CROCC: variants seen among roughly 807,000 people sequenced by gnomAD.
CROCC encodes ciliary rootlet coiled-coil, rootletin.
CROCC carries 180 observed loss-of-function variants against 245.2 expected under a neutral mutation model. The ratio of observed to expected loss-of-function variants is 0.73; its 90% CI spans 0.65 to 0.83. The LOEUF (loss-of-function observed/expected upper bound fraction) is 0.83. CROCC is among the 40% of genes least tolerant of loss of function. The probability of loss-of-function intolerance (pLI) is 0.00; values close to 1 mark genes in which losing one functional copy is unlikely to be tolerated. For missense variants in CROCC, 2,688 were observed against 2,779.4 expected, an observed-to-expected ratio of 0.97 and a Z score of 0.74; for synonymous variants, 1,205 against 1,241.6, an observed-to-expected ratio of 0.97 and a Z score of 0.62.
At chr1:16,971,388 G>C (rs1355472122) in intron 35 of CROCC, 77 bp from the exon 36 acceptor site, 1 of 1,447,980 alleles carries the variant, frequency 6.9e-7, no homozygotes, top group Non-Finnish European at 9.1e-7. Flanking sequence ...GTCCCAGGGA[G>C]GTACCTGACA....
chr1:16,941,058 A>C (rs1466637112), intron 13 of CROCC: 14 of 245,250 alleles, frequency 5.7e-5, no homozygotes, highest in South Asian at 1.5e-4. Flanking sequence ...TGGGGGTCTC[A>C]CTATGTTGCC....
intron 3 of CROCC, among the ~76,000 whole-genome samples, chr1:16,928,206 G>A (rs369080237): frequency 6.6e-5 from 10 of 152,400 alleles, no homozygotes; most frequent in African/African-American, 1.9e-4. Flanking sequence ...TGAGTGCAGG[G>A]CTAGCATCAG....
chr1:16,948,966 A>G, intron 19 of CROCC, 40 bp downstream of exon 19: 1 of 1,604,184 alleles, frequency 6.2e-7, no homozygotes, highest in Non-Finnish European at 8.5e-7. Flanking sequence ...ACCAGGTTCC[A>G]GCCCAGACTG....
chr1:16,924,379 A>C lies in CROCC; in HGVS notation c.251A>C (p.Gln84Pro). 1 of 1,613,310 alleles carries C rather than the reference A, an allele frequency of 6.2e-7. No homozygotes were observed. Among genetic ancestry groups the C allele is most frequent in the Non-Finnish European group, 8.5e-7 (1 of 1,179,866 alleles). Residue 84 changes from glutamine to proline, a missense_variant, in exon 3 of 37, where the codon CAG (glutamine) becomes CCG (proline). Physicochemically the swap from Gln to Pro is moderately conservative, Grantham distance 76. Transcript: ENST00000375541. ...ASLLSLQEEN[Q>P]LLQQELSRVE... is the part of the protein sequence containing the mutation. ...CTGCTGTCGCTGCAGGAGGAGAACC[A>C]GCTGCTGCAGCAGGAGCTGTCCCGC...
At position 16,930,211 on chromosome 1, in the gene CROCC, G is replaced by A. The variant is rs1302500329; in HGVS notation, c.621+4G>A. The A allele has an allele frequency of 1.3e-6, 2 of 1,588,996 alleles. No individual in the cohort carries two copies. The highest frequency in any genetic ancestry group is 1.1e-5 in the South Asian group (1 of 87,522). On this transcript the variant is annotated splice_donor_region_variant and intron_variant, in intron 5 of 36. Coordinates refer to ENST00000375541, the MANE Select transcript of CROCC (RefSeq NM_014675.5). ...GCTGGAGCAGCAGCGGCTGAGGGTG[G>A]GTGCCAGTGTGGGGCAGGGGCAGGC...
rs2076044836 is a variant in CROCC, at chr1:16,946,310, G to A, written c.2188G>A (p.Glu730Lys). Residue 730 changes from glutamate (E) to lysine (K), a missense_variant, in exon 16 of 37, where the codon GAG becomes AAG. Physicochemically the swap from Glu to Lys is moderately conservative, Grantham distance 56. Coordinates refer to ENST00000375541, the MANE Select transcript of CROCC (RefSeq NM_014675.5). ...LELSMTKLRA[E>K]EASLQDSLSK... ...GCTCTCCATGACCAAGCTGAGGGCA[G>A]AGGAGGCCTCCCTGCAGGACTCCCT... 6.2e-7 allele frequency: 1 copy of A among 1,613,500 alleles called. No individual in the cohort carries two copies. Among genetic ancestry groups the A allele is most frequent in the African/African-American group, 1.3e-5 (1 of 74,964 alleles).
intron 7 of CROCC, among the ~76,000 whole-genome samples, chr1:16,930,890 A>C (rs2075661261): frequency 6.6e-6 from 1 of 152,296 alleles, no homozygotes; most frequent in Non-Finnish European, 1.5e-5. Context: ...TAATCCCAGC[A>C]CTTTGGGAGG....
chr1:16,953,084 C>T (rs9435654), intron 20 of CROCC: 114 of 555,978 alleles, frequency 2.1e-4, no homozygotes, highest in East Asian at 7.3e-4. Flanking sequence ...CCGCAGGGGA[C>T]CATGTTCGGA....
intron 19 of CROCC, among the ~76,000 whole-genome samples, chr1:16,949,194 C>T (rs148448373): frequency 2.0e-3 from 311 of 152,382 alleles, no homozygotes; most frequent in African/African-American, 6.9e-3. Context: ...CGTGTAAGGC[C>T]GTGGCACGGT....
At position 16,969,850 on chromosome 1, in the gene CROCC, G is replaced by A. The variant is rs762892539; in HGVS notation, c.5367G>A (p.Glu1789=). 1.9e-6 allele frequency: 3 copies of A among 1,613,174 alleles called. No individual in the cohort carries two copies. The highest frequency in any genetic ancestry group is 2.5e-6 in the Non-Finnish European group (3 of 1,179,656). Reference sequence around the variant, plus strand: ...GGAAGCAGAGCAGCTCCCTGGGCGAGCAGGTGCAGACGTTGCGAGGCGAGG... The same window carrying A: ...GGAAGCAGAGCAGCTCCCTGGGCGAACAGGTGCAGACGTTGCGAGGCGAGG... The part of the protein sequence containing the change: ...EARKQSSSLG[E]QVQTLRGEVA... Residue 1789 remains glutamate, a synonymous_variant, in exon 33 of 37, where the codon GAG becomes GAA. Coordinates refer to ENST00000375541, the MANE Select transcript of CROCC (RefSeq NM_014675.5).
At chr1:16,940,201 G>A (rs2075897788) in intron 13 of CROCC, 108 bp downstream of exon 13, 1 of 1,171,160 alleles carries the variant, frequency 8.5e-7, no homozygotes, top group South Asian at 1.5e-5. Flanking sequence ...GTCGCCACTA[G>A]CTGCATGTGC....
At chr1:16,929,042 G>C (rs182711684) in intron 3 of CROCC, among the ~76,000 whole-genome samples, 1 of 152,202 alleles carries the variant, frequency 6.6e-6, no homozygotes, top group Admixed American at 6.5e-5. Flanking sequence ...AGCCAGGCTG[G>C]TCTTGAACCC....
At chr1:16,952,132 C>A (rs1489901236) in intron 20 of CROCC, among the ~76,000 whole-genome samples, 1 of 151,140 alleles carries the variant, frequency 6.6e-6, no homozygotes, top group Non-Finnish European at 1.5e-5. Context: ...CGTAATCTGC[C>A]CACCTCGGCC....
rs998897898 is a variant in CROCC, at chr1:16,966,774, C to G, written c.4860+203C>G. 6.6e-6 allele frequency among the ~76,000 whole-genome samples: 1 copy of G among 152,166 alleles called. No homozygotes were observed. The highest frequency in any genetic ancestry group is 1.5e-5 in the Non-Finnish European group (1 of 68,032). ...GGTCACTAGGCTGTAGAAAAAAGAG[C>G]TTGGTCAAGGTGCAGTAGCTCATGC... is the stretch of plus-strand genomic sequence containing the variant. On this transcript the variant is annotated intron_variant, in intron 30 of 36. Transcript: ENST00000375541. The surrounding 1 kb of genome is among the most constrained non-coding windows in gnomAD (Gnocchi z 4.8).
At chr1:16,940,219 C>A in intron 13 of CROCC, 126 bp downstream of exon 13, 1 of 1,073,132 alleles carries the variant, frequency 9.3e-7, no homozygotes, top group Non-Finnish European at 1.3e-6. Context: ...TGCCTATTAA[C>A]GTTTATTTAT....
intron 8 of CROCC, among the ~76,000 whole-genome samples, chr1:16,932,578 T>C (rs2075701674): frequency 6.6e-6 from 1 of 152,232 alleles, no homozygotes; most frequent in South Asian, 2.1e-4. Flanking sequence ...AGATGGAATT[T>C]GCACAGAGCC....
chr1:16,963,595 G>A (rs538550960), intron 27 of CROCC, among the ~76,000 whole-genome samples: 43 of 152,172 alleles, frequency 2.8e-4, no homozygotes, highest in East Asian at 7.8e-4. Context: ...GTCCCTCTGC[G>A]GCCAAGGCAG....
intron 9 of CROCC, 51 bp downstream of exon 9, chr1:16,936,924 A>G: frequency 6.5e-7 from 1 of 1,539,670 alleles, no homozygotes; most frequent in Non-Finnish European, 8.9e-7. Context: ...CAGAAGGTAA[A>G]ACTGGAGAGT....
At chr1:16,951,846 T>A (rs2076165099) in intron 20 of CROCC, 1 of 158,156 alleles carries the variant, frequency 6.3e-6, no homozygotes, top group Non-Finnish European at 1.4e-5. Flanking sequence ...CTTGGGTGGT[T>A]GTTACCACGC....
Sources: gnomAD v4.1 joint callset for allele counts (sites outside exome capture counted in the v4.1 genomes callset) on GRCh38, gnomAD v4.1.1 for gene constraint, Gnocchi (gnomAD v3.1) non-coding constraint, MANE v1.5 for transcripts, NCBI Gene and HGNC (gene_info 2026-07-23, HGNC 2026-07-21) for gene names.